The following ARID1B variants were observed in gnomAD, a reference collection of about 807,000 sequenced individuals.
ARID1B encodes AT-rich interactive domain-containing protein 1B.
In ARID1B, 30 loss-of-function variants were observed where a neutral mutation model predicts 212.3. The ratio of observed to expected loss-of-function variants is 0.14; its 90% CI spans 0.11 to 0.19. The LOEUF (loss-of-function observed/expected upper bound fraction) is 0.19, where lower values mean the gene tolerates loss of function less well. Among genes scored for constraint, ARID1B ranks in the 10% least tolerant of loss-of-function variants. The pLI is 1.00. For synonymous variants in ARID1B, 1,402 were observed against 1,301.7 expected (o/e 1.08, Z -1.66); for missense variants, 2,891 against 3,204.0 (o/e 0.90, Z 2.36).
intron 4 of ARID1B, among the ~76,000 whole-genome samples, chr6:157,062,588 A>C (rs1299174201): frequency 1.3e-5 from 2 of 152,044 alleles, no homozygotes; most frequent in African/African-American, 4.8e-5. Flanking sequence ...ACAGGGTACC[A>C]TAAGAAACTG....
chr6:156,804,507 C>T (rs965058032), intron 1 of ARID1B, among the ~76,000 whole-genome samples: 2 of 152,136 alleles, frequency 1.3e-5, no homozygotes, highest in Non-Finnish European at 2.9e-5. Flanking sequence ...ACTCATAGTT[C>T]TGCATGGCTG....
chr6:156,900,152 A>C (rs1788800773), intron 2 of ARID1B, among the ~76,000 whole-genome samples: 1 of 152,236 alleles, frequency 6.6e-6, no homozygotes, highest in African/African-American at 2.4e-5. Flanking sequence ...TTCTGCTCCA[A>C]CAACTTAGGC....
intron 4 of ARID1B, among the ~76,000 whole-genome samples, chr6:157,017,249 A>G (rs1779964892): frequency 6.6e-6 from 1 of 152,182 alleles, no homozygotes; most frequent in South Asian, 2.1e-4. Flanking sequence ...AACCTCTGGT[A>G]ATCCATCAAC....
chr6:156,935,383 CT>C (rs1792112373), intron 3 of ARID1B, 82 bp from the exon 4 acceptor site: 1 of 1,236,548 alleles, frequency 8.1e-7, no homozygotes, highest in Admixed American at 1.9e-5. Context: ...CCCAGCCAAG[CT>C]TTTGTTTAAT....
chr6:156,881,597 C>T (rs1005851629), intron 2 of ARID1B, among the ~76,000 whole-genome samples: 3 of 152,186 alleles, frequency 2.0e-5, no homozygotes, highest in Non-Finnish European at 4.4e-5. Flanking sequence ...TACCTCAATA[C>T]TGGGCTACTT....
At chr6:157,187,247 G>A (rs1793037702) in intron 13 of ARID1B, among the ~76,000 whole-genome samples, 1 of 152,172 alleles carries the variant, frequency 6.6e-6, no homozygotes, top group South Asian at 2.1e-4. Context: ...GGGAGAAGTG[G>A]GGCAGGGGTG....
intron 13 of ARID1B, chr6:157,186,482 G>T (rs1347814914): frequency 2.1e-6 from 1 of 471,184 alleles, no homozygotes; most frequent in Admixed American, 2.3e-5. Flanking sequence ...GTCGCAGGCA[G>T]AGGCACCCTG....
At chr6:157,074,531 C>T (rs138323054) in intron 4 of ARID1B, among the ~76,000 whole-genome samples, 3,370 of 152,240 alleles carry the variant, frequency 0.022, 55 homozygotes, top group Non-Finnish European at 0.035. Context: ...GGCCAATTTA[C>T]AGATTATTGA....
chr6:157,012,868 GGTTTT>G (rs200741398), intron 4 of ARID1B, among the ~76,000 whole-genome samples: 4 of 152,246 alleles, frequency 2.6e-5, no homozygotes, highest in East Asian at 3.9e-4. Flanking sequence ...TATGGCATGA[GGTTTT>G]GTTTTGTTTT....
intron 4 of ARID1B, among the ~76,000 whole-genome samples, chr6:157,061,336 G>A (rs896761696): frequency 2.0e-5 from 3 of 152,190 alleles, no homozygotes; most frequent in Non-Finnish European, 4.4e-5. Flanking sequence ...TGAAGATAGA[G>A]TTACATTACT....
chr6:156,808,372 T>G (rs180802313), intron 1 of ARID1B, among the ~76,000 whole-genome samples: 2 of 152,360 alleles, frequency 1.3e-5, no homozygotes, highest in Admixed American at 6.5e-5. Context: ...TCTAGTCAAA[T>G]GTAGGCTATG....
At chr6:157,103,196 A>G (rs1786199540) in intron 5 of ARID1B, among the ~76,000 whole-genome samples, 1 of 152,208 alleles carries the variant, frequency 6.6e-6, no homozygotes, top group South Asian at 2.1e-4. Context: ...ATGAGTTACA[A>G]AGATCTAATT....
At chr6:157,093,250 C>T (rs1291254930) in intron 5 of ARID1B, among the ~76,000 whole-genome samples, 1 of 152,186 alleles carries the variant, frequency 6.6e-6, no homozygotes, top group Admixed American at 6.5e-5. Flanking sequence ...TCACAAACTT[C>T]TGGTATATCA....
At chr6:157,052,997 C>G (rs192734477) in intron 4 of ARID1B, among the ~76,000 whole-genome samples, 1 of 152,106 alleles carries the variant, frequency 6.6e-6, no homozygotes, top group African/African-American at 2.4e-5. Context: ...AGATTACAAG[C>G]GTGAGCCACC....
At position 156,861,411 on chromosome 6, in the gene ARID1B, G is replaced by A. The variant is rs1366406064; in HGVS notation, c.1986+31990G>A. Among the ~76,000 whole-genome samples, 4 of 151,922 alleles carry A rather than the reference G, an allele frequency of 2.6e-5. 1 individual carries two copies. The highest frequency in any genetic ancestry group is 1.3e-4 in the Admixed American group (2 of 15,258). On this transcript the variant is annotated intron_variant, in intron 2 of 19. Transcript: ENST00000636930. ...ACACAGGATTTCGAGGAATTCGAGA[G>A]CAGCCTGGGCAACATGGCAAAACCC...
intron 2 of ARID1B, among the ~76,000 whole-genome samples, chr6:156,847,049 T>A (rs1784280316): frequency 6.6e-6 from 1 of 152,240 alleles, no homozygotes; most frequent in African/African-American, 2.4e-5. Flanking sequence ...TATTTGTTTT[T>A]ATTTCTTTAC....
intron 4 of ARID1B, among the ~76,000 whole-genome samples, chr6:157,078,306 G>C (rs964081237): frequency 1.3e-5 from 2 of 152,150 alleles, no homozygotes; most frequent in African/African-American, 4.8e-5. Flanking sequence ...TTCTGAGGCT[G>C]GTCCTGGGAG....
At chr6:156,841,689 A>G (rs1471427962) in intron 2 of ARID1B, among the ~76,000 whole-genome samples, 1 of 152,072 alleles carries the variant, frequency 6.6e-6, no homozygotes, top group African/African-American at 2.4e-5. Flanking sequence ...TTGAGGGCTT[A>G]CTCTGGGTCA....
At chr6:156,809,721 A>G (rs1469787315) in intron 1 of ARID1B, among the ~76,000 whole-genome samples, 1 of 151,354 alleles carries the variant, frequency 6.6e-6, no homozygotes, top group Non-Finnish European at 1.5e-5. Flanking sequence ...AAGAAAAAAA[A>G]AAAAAAAAAA....
Sources: gnomAD v4.1 joint callset for allele counts (sites outside exome capture counted in the v4.1 genomes callset) on GRCh38, gnomAD v4.1.1 for gene constraint, MANE v1.5 for transcripts, NCBI Gene and HGNC (gene_info 2026-07-23, HGNC 2026-07-21) for gene names.